ADD3: variants seen among roughly 807,000 people sequenced by gnomAD.
ADD3 encodes gamma-adducin.
ADD3 carries 25 observed loss-of-function variants against 80.2 expected under a neutral mutation model. That is an observed-to-expected ratio of 0.31 (90% CI 0.23 to 0.44). The LOEUF (loss-of-function observed/expected upper bound fraction) is 0.44, where lower values mean the gene tolerates loss of function less well. Ranked by LOEUF, ADD3 falls within the 20% of genes least tolerant of loss-of-function variation. The pLI is 1.00. For missense variants in ADD3, 829 were observed against 847.5 expected, an observed-to-expected ratio of 0.98 and a Z score of 0.27; for synonymous variants, 284 against 289.6, an observed-to-expected ratio of 0.98 and a Z score of 0.20.
At chr10:110,032,149 T>C (rs936595213) in intron 1 of ADD3, among the ~76,000 whole-genome samples, 2 of 152,222 alleles carry the variant, frequency 1.3e-5, no homozygotes, top group African/African-American at 2.4e-5. Context: ...GAGATTTTTA[T>C]AGACAAAGAG....
intron 1 of ADD3, among the ~76,000 whole-genome samples, chr10:110,015,414 C>T (rs575924804): frequency 9.0e-4 from 128 of 142,304 alleles, no homozygotes; most frequent in Non-Finnish European, 1.5e-3. Flanking sequence ...CTCGCTCTGT[C>T]GCCCAGGCTG....
intron 5 of ADD3, among the ~76,000 whole-genome samples, chr10:110,118,019 T>TACACACACACACACACAC (rs148105742): frequency 2.8e-4 from 35 of 125,688 alleles, no homozygotes; most frequent in Admixed American, 5.8e-4. Flanking sequence ...CTGTCTTCAA[T>TACACACACACACACACAC]ACACACACAC....
intron 1 of ADD3, among the ~76,000 whole-genome samples, chr10:110,017,377 T>C (rs2133043846): frequency 6.6e-6 from 1 of 152,340 alleles, no homozygotes; most frequent in Admixed American, 6.5e-5. Flanking sequence ...TGAGATGAAC[T>C]TCCAAATGTT....
chr10:110,006,542 T>A (rs768908856), upstream of ADD3, among the ~76,000 whole-genome samples: 1 of 152,196 alleles, frequency 6.6e-6, no homozygotes, highest in Non-Finnish European at 1.5e-5. Flanking sequence ...TTCCCCACGA[T>A]TCGTTAAGAG....
intron 1 of ADD3, among the ~76,000 whole-genome samples, chr10:110,090,300 A>G (rs1010518932): frequency 6.7e-6 from 1 of 149,410 alleles, no homozygotes; most frequent in Non-Finnish European, 1.5e-5. Flanking sequence ...GCTCACTGCA[A>G]CCTTCACCTC....
At chr10:110,063,466 G>T (rs1843449360) in intron 1 of ADD3, among the ~76,000 whole-genome samples, 1 of 151,644 alleles carries the variant, frequency 6.6e-6, no homozygotes, top group Admixed American at 6.6e-5. Context: ...TCATATAGGA[G>T]AACTTAGATT....
At chr10:110,086,286 T>G (rs909004060) in intron 1 of ADD3, among the ~76,000 whole-genome samples, 1 of 151,936 alleles carries the variant, frequency 6.6e-6, no homozygotes, top group Non-Finnish European at 1.5e-5. Context: ...GGCACGTGCC[T>G]GTAGTCCCAG....
Position 110,135,144 on chromosome 10 carries a change from T to A in ADD3, c.*1526T>A, listed in dbSNP as rs556676396. On this transcript the variant is annotated 3_prime_UTR_variant, in exon 15 of 15. Transcript: ENST00000356080. ...GGCTCTGTTTGTGTGCATATGATAA[T>A]GCAGAGTTGAGCCAGAGCCTGGAAA... 6.6e-6 allele frequency: 1 copy of A among 152,568 alleles called. No homozygotes were observed. The highest frequency in any genetic ancestry group is 2.1e-4 in the South Asian group (1 of 4,830). 9.5% of individuals were successfully genotyped at this position (152,568 alleles called of 1,614,324 possible).
chr10:110,029,914 G>T (rs11194960), intron 1 of ADD3, among the ~76,000 whole-genome samples: 1 of 151,994 alleles, frequency 6.6e-6, no homozygotes, highest in Non-Finnish European at 1.5e-5. Context: ...GCCCAGACTC[G>T]TACTTTATTT....
In ADD3 at chr10:110,124,499, T is replaced by A. The variant is rs527803029; in HGVS notation, c.1401+225T>A. 7.9e-5 allele frequency among the ~76,000 whole-genome samples: 12 copies of A among 152,332 alleles called. No individual in the cohort carries two copies. The East Asian group carries it at 2.3e-3, about 29-fold the overall frequency. ...TGATGCTGTTTTTCTATTTTATAGATGAGAAAACCAAGGCAAGAAGGGTTA... is the reference window on the plus strand; with the variant it reads ...TGATGCTGTTTTTCTATTTTATAGAAGAGAAAACCAAGGCAAGAAGGGTTA... On this transcript the variant is annotated intron_variant, in intron 10 of 14. Coordinates refer to ENST00000356080, the MANE Select transcript of ADD3 (RefSeq NM_016824.5).
At chr10:110,123,631 A>C (rs887004320) in intron 9 of ADD3, among the ~76,000 whole-genome samples, 1 of 152,084 alleles carries the variant, frequency 6.6e-6, no homozygotes, top group Non-Finnish European at 1.5e-5. Context: ...TTTAGATTTT[A>C]CCCTCTTCTG....
intron 14 of ADD3, among the ~76,000 whole-genome samples, 167 bp from the exon 15 acceptor site, chr10:110,133,159 G>C (rs948362844): frequency 3.3e-5 from 5 of 152,000 alleles, no homozygotes; most frequent in African/African-American, 1.2e-4. Flanking sequence ...TATCATTAAA[G>C]AAAATTAGCT....
At chr10:110,010,378 T>C (rs1852201587) in intron 1 of ADD3, among the ~76,000 whole-genome samples, 1 of 152,152 alleles carries the variant, frequency 6.6e-6, no homozygotes, top group Non-Finnish European at 1.5e-5. Context: ...TAAGAAGTGT[T>C]TGAGGGAAGA....
chr10:110,123,204 C>T (rs1319303889), intron 9 of ADD3, among the ~76,000 whole-genome samples: 1 of 152,188 alleles, frequency 6.6e-6, no homozygotes, highest in Non-Finnish European at 1.5e-5. Context: ...CTTTGACATA[C>T]TGAGTACATT....
chr10:110,099,211 G>A (rs1848526212), intron 1 of ADD3, among the ~76,000 whole-genome samples: 1 of 147,274 alleles, frequency 6.8e-6, no homozygotes, highest in Non-Finnish European at 1.5e-5. Flanking sequence ...TTATAAGCAT[G>A]AGCCACCACG....
chr10:110,118,642 T>C lies in ADD3; in HGVS notation c.623T>C (p.Ile208Thr), dbSNP rs537600720. ...VVDQGSTNLK[I>T]DHTGFSPHAA... Reference sequence around the variant, plus strand: ...GACCAGGGAAGTACCAATTTGAAAATTGACCATACAGGATTCAGTCCCCAT... The same window carrying C: ...GACCAGGGAAGTACCAATTTGAAAACTGACCATACAGGATTCAGTCCCCAT... The change falls in exon 6 of 15, where the codon ATT becomes ACT. Residue 208 changes from isoleucine to threonine, a missense_variant. Coordinates refer to ENST00000356080, the MANE Select transcript of ADD3 (RefSeq NM_016824.5). 21 of 1,613,912 alleles carry C rather than the reference T, an allele frequency of 1.3e-5. No individual in the cohort carries two copies. The African/African-American group carries it at 1.6e-4, about 12-fold the overall frequency.
intron 1 of ADD3, among the ~76,000 whole-genome samples, chr10:110,077,388 G>C (rs1845493168): frequency 6.6e-6 from 1 of 151,928 alleles, no homozygotes; most frequent in African/African-American, 2.4e-5. Context: ...AAGGCAAATA[G>C]TATTCTCCCA....
chr10:110,065,543 T>TTTTTTTTTC (rs1843826510), intron 1 of ADD3, among the ~76,000 whole-genome samples: 1 of 81,760 alleles, frequency 1.2e-5, no homozygotes, highest in African/African-American at 4.3e-5. Flanking sequence ...TCTCCCCTTT[T>TTTTTTTTTC]TTTTTTTTTT....
At chr10:110,090,518 G>GC (rs1847371016) in intron 1 of ADD3, among the ~76,000 whole-genome samples, 1 of 152,206 alleles carries the variant, frequency 6.6e-6, no homozygotes, top group South Asian at 2.1e-4. Flanking sequence ...ACCATGCCCA[G>GC]CCCCTACTTG....
Sources: gnomAD v4.1 joint callset for allele counts (sites outside exome capture counted in the v4.1 genomes callset) on GRCh38, gnomAD v4.1.1 for gene constraint, MANE v1.5 for transcripts, NCBI Gene and HGNC (gene_info 2026-07-23, HGNC 2026-07-21) for gene names.